The following ATRNL1 variants were observed in gnomAD, a reference collection of about 807,000 sequenced individuals.
ATRNL1 encodes attractin-like protein 1.
ATRNL1 carries 95 observed loss-of-function variants against 182.7 expected under a neutral mutation model. The observed-to-expected ratio is 0.52, with a 90% CI of 0.44 to 0.62. ATRNL1 has a LOEUF of 0.62. ATRNL1 is among the 20% of genes least tolerant of loss of function. The probability of loss-of-function intolerance (pLI) is 0.00; values close to 1 mark genes in which losing one functional copy is unlikely to be tolerated. For missense variants in ATRNL1, 1,471 were observed against 1,679.5 expected (o/e 0.88, Z 2.17); for synonymous variants, 576 against 568.3 (o/e 1.01, Z -0.19).
At chr10:115,097,666 C>G (rs994405843) in intron 1 of ATRNL1, among the ~76,000 whole-genome samples, 4 of 152,160 alleles carry the variant, frequency 2.6e-5, no homozygotes, top group African/African-American at 9.7e-5. Flanking sequence ...TGTCTCACGC[C>G]TGTAATCCCA....
At chr10:115,337,830 A>C (rs1855564865) in intron 19 of ATRNL1, among the ~76,000 whole-genome samples, 1 of 152,044 alleles carries the variant, frequency 6.6e-6, no homozygotes, top group African/African-American at 2.4e-5. Context: ...ATCAGGGAGT[A>C]GTTTTGGGGA....
chr10:115,881,345 T>C (rs1382789264), intron 28 of ATRNL1, among the ~76,000 whole-genome samples: 1 of 152,204 alleles, frequency 6.6e-6, no homozygotes, highest in Non-Finnish European at 1.5e-5. Context: ...CCAGGAGTCT[T>C]GTGCAGTGAT....
intron 28 of ATRNL1, among the ~76,000 whole-genome samples, chr10:115,927,292 G>A (rs1555120555): frequency 6.6e-6 from 1 of 152,038 alleles, no homozygotes; most frequent in Non-Finnish European, 1.5e-5. Context: ...CAAATCCACA[G>A]CCAATATCAT....
At chr10:115,139,599 T>A (rs1191895029) in intron 5 of ATRNL1, among the ~76,000 whole-genome samples, 1 of 152,156 alleles carries the variant, frequency 6.6e-6, no homozygotes, top group African/African-American at 2.4e-5. Flanking sequence ...ACCCCCATGT[T>A]TCAGTTACCT....
At chr10:115,100,464 A>G (rs1488073858) in intron 1 of ATRNL1, among the ~76,000 whole-genome samples, 1 of 152,118 alleles carries the variant, frequency 6.6e-6, no homozygotes, top group African/African-American at 2.4e-5. Flanking sequence ...ATCTAAATTC[A>G]GTTTTTTGGC....
intron 26 of ATRNL1, among the ~76,000 whole-genome samples, chr10:115,577,038 C>A (rs1854759051): frequency 6.6e-6 from 1 of 151,706 alleles, no homozygotes; most frequent in Non-Finnish European, 1.5e-5. Context: ...AAATAACTTA[C>A]TATATGTGCT....
intron 26 of ATRNL1, among the ~76,000 whole-genome samples, chr10:115,558,191 G>A (rs1853441370): frequency 6.6e-6 from 1 of 152,160 alleles, no homozygotes; most frequent in South Asian, 2.1e-4. Flanking sequence ...TTTGGACAAA[G>A]TATTGAACAA....
At chr10:115,831,207 C>T (rs1276420770) in intron 27 of ATRNL1, among the ~76,000 whole-genome samples, 4 of 152,104 alleles carry the variant, frequency 2.6e-5, no homozygotes, top group African/African-American at 7.2e-5. Flanking sequence ...TGACTCTTTG[C>T]TCCCGGGAGA....
chr10:115,913,735 T>A (rs1313674123), intron 28 of ATRNL1, among the ~76,000 whole-genome samples: 2 of 152,168 alleles, frequency 1.3e-5, no homozygotes, highest in Admixed American at 1.3e-4. Flanking sequence ...AATGTCAGCC[T>A]GTGCAGAAAG....
chr10:115,888,051 G>A (rs771754111), intron 28 of ATRNL1, among the ~76,000 whole-genome samples: 2 of 152,146 alleles, frequency 1.3e-5, no homozygotes, highest in Non-Finnish European at 2.9e-5. Context: ...TCATGATAAA[G>A]ACAGAAATCT....
intron 21 of ATRNL1, among the ~76,000 whole-genome samples, chr10:115,437,716 A>G (rs1846469729): frequency 6.6e-6 from 1 of 152,082 alleles, no homozygotes; most frequent in Non-Finnish European, 1.5e-5. Flanking sequence ...AAACATATGA[A>G]TATAAATAAA....
chr10:115,311,489 T>C (rs979243328), intron 17 of ATRNL1, among the ~76,000 whole-genome samples: 1 of 152,154 alleles, frequency 6.6e-6, no homozygotes, highest in Admixed American at 6.6e-5. Flanking sequence ...GCCCAGCCGA[T>C]TTTGATTTTT....
chr10:115,221,216 C>G (rs1037364686), intron 9 of ATRNL1, among the ~76,000 whole-genome samples: 4 of 152,210 alleles, frequency 2.6e-5, no homozygotes, highest in African/African-American at 2.4e-5. Flanking sequence ...TCCTCACTTG[C>G]TACTCACCTC....
At chr10:115,806,052 T>C (rs1555085593) in intron 27 of ATRNL1, among the ~76,000 whole-genome samples, 1 of 152,164 alleles carries the variant, frequency 6.6e-6, no homozygotes, top group Admixed American at 6.6e-5. Context: ...TTATTGATTG[T>C]GGGTAATAAC....
chr10:115,871,475 G>GTATATATATATATATATA (rs1951582768), intron 28 of ATRNL1, among the ~76,000 whole-genome samples: 1 of 27,804 alleles, frequency 3.6e-5, no homozygotes, highest in African/African-American at 9.7e-5. Context: ...TTCTTTGTGT[G>GTATATATATATATATATA]TGTGTATATA....
At chr10:115,098,611 G>A (rs1227443862) in intron 1 of ATRNL1, among the ~76,000 whole-genome samples, 1 of 151,604 alleles carries the variant, frequency 6.6e-6, no homozygotes, top group Non-Finnish European at 1.5e-5. Flanking sequence ...ACAGGCGCCC[G>A]CCACTACGCC....
chr10:115,462,149 A>G (rs1554969823), intron 22 of ATRNL1, 114 bp downstream of exon 22: 3 of 569,294 alleles, frequency 5.3e-6, no homozygotes, highest in Non-Finnish European at 8.6e-6. Context: ...CTTTGTAGAA[A>G]CTACTAATCC....
intron 27 of ATRNL1, among the ~76,000 whole-genome samples, chr10:115,735,823 C>T (rs1459330021): frequency 6.6e-6 from 1 of 152,110 alleles, no homozygotes; most frequent in African/African-American, 2.4e-5. Flanking sequence ...GGAATTTTTC[C>T]ATTTAATATT....
At chr10:115,304,560 C>T (rs1853633539) in intron 17 of ATRNL1, among the ~76,000 whole-genome samples, 1 of 152,038 alleles carries the variant, frequency 6.6e-6, no homozygotes, top group Non-Finnish European at 1.5e-5. Context: ...GCTCCACAGC[C>T]GAAAGAGGAA....
Sources: gnomAD v4.1 joint callset for allele counts (sites outside exome capture counted in the v4.1 genomes callset) on GRCh38, gnomAD v4.1.1 for gene constraint, MANE v1.5 for transcripts, NCBI Gene and HGNC (gene_info 2026-07-23, HGNC 2026-07-21) for gene names.